The following ANKS3 variants were observed in gnomAD, a reference collection of about 807,000 sequenced individuals.
The protein encoded by ANKS3 is ankyrin repeat and SAM domain-containing protein 3.
A neutral mutation model predicts 80.7 loss-of-function variants in ANKS3; 62 were observed. That is an observed-to-expected ratio of 0.77 (90% CI 0.63 to 0.95). ANKS3 has a LOEUF of 0.95. Ranked by LOEUF, ANKS3 falls within the 40% of genes least tolerant of loss-of-function variation. The probability of loss-of-function intolerance (pLI) is 0.00; values close to 1 mark genes in which losing one functional copy is unlikely to be tolerated. For missense variants in ANKS3, 1,150 were observed against 883.6 expected, an observed-to-expected ratio of 1.30 and a Z score of -3.82; for synonymous variants, 489 against 355.3, an observed-to-expected ratio of 1.38 and a Z score of -4.23.
chr16:4,723,793 G>A (rs563516681), intron 6 of ANKS3, among the ~76,000 whole-genome samples: 1 of 152,260 alleles, frequency 6.6e-6, no homozygotes, highest in Admixed American at 6.5e-5. Flanking sequence ...GGACAGGCTT[G>A]CACCTGTGAT....
intron 6 of ANKS3, among the ~76,000 whole-genome samples, chr16:4,721,178 GC>G (rs976989433): frequency 2.0e-5 from 3 of 150,494 alleles, no homozygotes; most frequent in Non-Finnish European, 4.4e-5. Context: ...GGTGGCGGGC[GC>G]CTGTGGTCCC....
chr16:4,708,360 T>C (rs1226777805), intron 7 of ANKS3, among the ~76,000 whole-genome samples: 1 of 151,966 alleles, frequency 6.6e-6, no homozygotes, highest in Non-Finnish European at 1.5e-5. Flanking sequence ...AATTACAGAA[T>C]TTCTAAAAAT....
chr16:4,724,973 G>A (rs143635563), intron 5 of ANKS3, 142 bp from the exon 6 acceptor site: 74 of 642,700 alleles, frequency 1.2e-4, no homozygotes, highest in East Asian at 5.7e-4. Flanking sequence ...GAATTAACAG[G>A]TGACATGAGA....
chr16:4,730,032 G>T lies in ANKS3; in HGVS notation c.118C>A (p.His40Asn). ...GEELDVPLDL[H>N]TAASIGQYEV... ...TACTGGCCAATGGAAGCAGCTGTGT[G>T]AAGATCCAGGGGGACATCCAGCTCC... Residue 40 changes from histidine (H) to asparagine (N), a missense_variant, in exon 3 of 18, where the codon CAC (histidine) becomes AAC (asparagine). Transcript: ENST00000304283. 6.3e-7 allele frequency: 1 copy of T among 1,585,002 alleles called. No individual in the cohort carries two copies.
chr16:4,731,661 G>GA (rs370478311), intron 1 of ANKS3, 82 bp from the exon 2 acceptor site: 4 of 770,954 alleles, frequency 5.2e-6, no homozygotes, highest in Non-Finnish European at 6.3e-6. Context: ...AAATTTTTCT[G>GA]AAAAAAATAG....
chr16:4,730,903 C>G (rs751748899), intron 2 of ANKS3, among the ~76,000 whole-genome samples: 1 of 151,986 alleles, frequency 6.6e-6, no homozygotes, highest in Non-Finnish European at 1.5e-5. Flanking sequence ...TGCTACTTAG[C>G]AACTCCAATC....
Position 4,727,117 on chromosome 16 carries a change from G to A in ANKS3, c.231C>T (p.Ser77=). The change falls in exon 4 of 18, where the codon TCC becomes TCT. Residue 77 remains serine, a synonymous_variant. Coordinates refer to ENST00000304283, the MANE Select transcript of ANKS3 (RefSeq NM_133450.4). Reference sequence around the variant, plus strand: ...GCACGATTGTGTCGTGGCCAATGTAGGAGGCATACATCAGCGGGGTCCAGC... The same window carrying A: ...GCACGATTGTGTCGTGGCCAATGTAAGAGGCATACATCAGCGGGGTCCAGC... ...GGGWTPLMYA[S]YIGHDTIVHL... 6.2e-7 allele frequency: 1 copy of A among 1,614,212 alleles called. No individual in the cohort carries two copies. The highest frequency in any genetic ancestry group is 8.5e-7 in the Non-Finnish European group (1 of 1,180,044).
At chr16:4,726,922 G>T in intron 4 of ANKS3, 57 bp downstream of exon 4, 1 of 1,610,314 alleles carries the variant, frequency 6.2e-7, no homozygotes. Context: ...TCGCATCTCT[G>T]TCAGGGTGGC....
At chr16:4,704,809 A>C (rs1345448600) in intron 8 of ANKS3, among the ~76,000 whole-genome samples, 1 of 152,238 alleles carries the variant, frequency 6.6e-6, no homozygotes, top group Admixed American at 6.5e-5. Flanking sequence ...ATCTGACCTT[A>C]GCTACATTTC....
At chr16:4,706,981 G>C (rs764011336) in intron 7 of ANKS3, among the ~76,000 whole-genome samples, 2 of 152,174 alleles carry the variant, frequency 1.3e-5, no homozygotes, top group Non-Finnish European at 2.9e-5. Context: ...CCCATGACGA[G>C]GCTCAAGCTC....
At chr16:4,708,910 G>C (rs1026697694) in intron 7 of ANKS3, among the ~76,000 whole-genome samples, 20 of 151,650 alleles carry the variant, frequency 1.3e-4, no homozygotes, top group Admixed American at 1.2e-3. Flanking sequence ...CTGCACTCCA[G>C]CCTGGGCAAC....
intron 6 of ANKS3, among the ~76,000 whole-genome samples, chr16:4,717,966 G>A (rs1321694458): frequency 6.6e-6 from 1 of 152,084 alleles, no homozygotes; most frequent in African/African-American, 2.4e-5. Flanking sequence ...CCGCTAATGG[G>A]GTTTCACCAT....
intron 11 of ANKS3, chr16:4,700,549 C>G: frequency 2.9e-6 from 1 of 347,818 alleles, no homozygotes; most frequent in Non-Finnish European, 5.6e-6. Flanking sequence ...CCTCTGATCC[C>G]TAAGGTAATG....
In ANKS3 at chr16:4,715,803, C is replaced by CT. The variant is rs529857369; in HGVS notation, c.574-1618dup. On this transcript the variant is annotated intron_variant, in intron 6 of 17. Transcript: ENST00000304283. The stretch of plus-strand genomic sequence containing the variant: ...AAATGTACTACCATAAGCATGTTTG[C>CT]TTTTTTTTTTTTAATAGGATCTTGC... Among the ~76,000 whole-genome samples the CT allele has an allele frequency of 7.4e-4, 104 of 139,948 alleles. 1 individual carries two copies. Among genetic ancestry groups the CT allele is most frequent in the Middle Eastern group, 3.6e-3 (1 of 280 alleles). The allele number at this position is 139,948 out of a possible 152,430, so 91.8% of individuals were successfully genotyped here.
chr16:4,697,335 A>G lies in ANKS3; in HGVS notation c.1892T>C (p.Met631Thr), dbSNP rs35731346. ...SGALEDRVRE[M>T]GQALCLVTQS... Reference sequence around the variant, plus strand: ...TCGTCTGGTCCCCGGAGACTCACCCATCTCACGGACACGGTCCTCCAGGGC... The same window carrying G: ...TCGTCTGGTCCCCGGAGACTCACCCGTCTCACGGACACGGTCCTCCAGGGC... The change falls in exon 16 of 18, where the codon ATG becomes ACG. Residue 631 changes from methionine (M) to threonine (T), a missense_variant and splice_region_variant. By Grantham distance (81) the Met-to-Thr change is moderately conservative. Transcript: ENST00000304283. The G allele has an allele frequency of 1.9e-6, 3 of 1,602,994 alleles. No homozygotes were observed. The highest frequency in any genetic ancestry group is 1.1e-5 in the South Asian group (1 of 90,332).
intron 8 of ANKS3, among the ~76,000 whole-genome samples, chr16:4,704,469 G>C (rs1225673083): frequency 6.6e-6 from 1 of 152,114 alleles, no homozygotes; most frequent in Non-Finnish European, 1.5e-5. Context: ...CACAGCAATA[G>C]AGAGTAGGCA....
intron 3 of ANKS3, chr16:4,729,398 T>C (rs543908617): frequency 1.1e-4 from 16 of 152,350 alleles, no homozygotes; most frequent in African/African-American, 3.9e-4. Context: ...TCTCACTCTG[T>C]TGCCCAGGCT....
Position 4,730,171 on chromosome 16 carries a change from G to C in ANKS3, c.-2-20C>G. 6.8e-7 allele frequency: 1 copy of C among 1,479,612 alleles called. No homozygotes were observed. Among genetic ancestry groups the C allele is most frequent in the Non-Finnish European group, 9.1e-7 (1 of 1,102,848 alleles). 91.7% of individuals were successfully genotyped at this position (1,479,612 alleles called of 1,614,324 possible). On this transcript the variant is annotated intron_variant, in intron 2 of 17. Coordinates refer to ENST00000304283, the MANE Select transcript of ANKS3 (RefSeq NM_133450.4). ...ACATCACTGAGGAGGAAGGCCCAAG[G>C]GTTAGATCTTTCCTGGCTGGTTGTT...
intron 7 of ANKS3, among the ~76,000 whole-genome samples, chr16:4,711,718 C>CAAA (rs34030042): frequency 5.3e-5 from 3 of 56,796 alleles, no homozygotes; most frequent in South Asian, 6.8e-4. Context: ...AACTCTGTCT[C>CAAA]AAAAAAAAAA....
Sources: allele counts gnomAD v4.1 joint callset (sites outside exome capture counted in the v4.1 genomes callset), GRCh38; gene constraint gnomAD v4.1.1; transcripts MANE v1.5; gene names NCBI Gene and HGNC (gene_info 2026-07-23, HGNC 2026-07-21).